KLHL4: variants seen among roughly 807,000 people sequenced by gnomAD.
KLHL4 encodes kelch like family member 4.
KLHL4 carries 17 observed loss-of-function variants against 45.8 expected under a neutral mutation model. The observed-to-expected ratio is 0.37, with a 90% CI of 0.25 to 0.56. The LOEUF (loss-of-function observed/expected upper bound fraction) is 0.56. KLHL4 is among the 20% of genes least tolerant of loss of function. The probability of loss-of-function intolerance (pLI) is 0.79; values close to 1 mark genes in which losing one functional copy is unlikely to be tolerated. For synonymous variants in KLHL4, 224 were observed against 189.9 expected (o/e 1.18, Z -1.47); for missense variants, 544 against 544.9 (o/e 1.00, Z 0.02).
chrX:87,583,376 G>A (rs896467727), intron 1 of KLHL4, among the ~76,000 whole-genome samples: 3 of 112,124 alleles, frequency 2.7e-5, no homozygotes, highest in Admixed American at 9.4e-5. Context: ...CCCAGGCCAC[G>A]TAGCACAGCT....
In KLHL4 at chrX:87,669,521, A is replaced by T; in HGVS notation, c.*2987A>T. On this transcript the variant is annotated 3_prime_UTR_variant, in exon 11 of 11. Transcript: ENST00000373119. The stretch of plus-strand genomic sequence containing the variant: ...TTCTGGAGTTCCAAATGCAATATAG[A>T]AAAAAAAACCCTGTGACTCTGGATT... 1.2e-6 allele frequency: 1 copy of T among 811,233 alleles called. No individual in the cohort carries two copies. Among genetic ancestry groups the T allele is most frequent in the South Asian group, 3.7e-5 (1 of 27,017 alleles). The allele number at this position is 811,233 out of a possible 1,213,427, so 66.9% of individuals were successfully genotyped here.
In KLHL4 at chrX:87,624,052, C is replaced by T. The variant is rs1281801842; in HGVS notation, c.1138-1558C>T. 7.1e-5 allele frequency among the ~76,000 whole-genome samples: 8 copies of T among 112,266 alleles called. No homozygotes were observed. The East Asian group carries it at 2.2e-3, about 32-fold the overall frequency. ...AACAATTTCTCCTTGTGATTTTAGGCATAAAAAACTTAAGATGCACTGGTG... is the reference window on the plus strand; with the variant it reads ...AACAATTTCTCCTTGTGATTTTAGGTATAAAAAACTTAAGATGCACTGGTG... On this transcript the variant is annotated intron_variant, in intron 5 of 10. Coordinates refer to ENST00000373119, the MANE Select transcript of KLHL4 (RefSeq NM_019117.5).
intron 10 of KLHL4, among the ~76,000 whole-genome samples, chrX:87,665,291 A>G (rs1391571470): frequency 1.8e-5 from 2 of 111,999 alleles, no homozygotes; most frequent in Non-Finnish European, 3.8e-5. Context: ...CCAACTTTTT[A>G]TGTATATGTT....
chrX:87,556,774 A>G (rs746582979), intron 1 of KLHL4, among the ~76,000 whole-genome samples: 9 of 69,213 alleles, frequency 1.3e-4, no homozygotes, highest in Non-Finnish European at 2.4e-4. Context: ...AAGTGCTACC[A>G]TGTGCCATAT....
chrX:87,646,818 C>T (rs1197542135), intron 9 of KLHL4, among the ~76,000 whole-genome samples: 3 of 111,462 alleles, frequency 2.7e-5, no homozygotes, highest in Non-Finnish European at 5.7e-5. Context: ...ATTGCAAAAA[C>T]CCTTCTAGAC....
intron 3 of KLHL4, among the ~76,000 whole-genome samples, chrX:87,614,894 C>T (rs772853428): frequency 1.2e-3 from 135 of 111,070 alleles, no homozygotes; most frequent in Non-Finnish European, 2.1e-3. Context: ...GGTGTGGGCA[C>T]ATTCTTGTTT....
chrX:87,556,134 T>C (rs896222794), intron 1 of KLHL4, among the ~76,000 whole-genome samples: 2 of 111,070 alleles, frequency 1.8e-5, no homozygotes, highest in Non-Finnish European at 3.8e-5. Context: ...GAGCTTTACT[T>C]CCAACTATAT....
chrX:87,541,707 A>G (rs1156655787), intron 1 of KLHL4, among the ~76,000 whole-genome samples: 1 of 110,764 alleles, frequency 9.0e-6, no homozygotes, highest in Non-Finnish European at 1.9e-5. Context: ...CAGTGTTAGA[A>G]TGGACCAATG....
At chrX:87,606,361 G>GA (rs1363719533) in intron 1 of KLHL4, among the ~76,000 whole-genome samples, 3 of 109,417 alleles carry the variant, frequency 2.7e-5, no homozygotes, top group Non-Finnish European at 5.7e-5. Context: ...ATTGGTAGAA[G>GA]AAAAAAACAA....
intron 8 of KLHL4, 64 bp from the exon 9 acceptor site, chrX:87,635,499 T>C (rs1273961509): frequency 1.3e-5 from 11 of 846,648 alleles, no homozygotes; most frequent in Non-Finnish European, 1.9e-5. Flanking sequence ...ATTCTATGCA[T>C]GCATTTTGTG....
At chrX:87,593,242 G>C (rs1263577812) in intron 1 of KLHL4, among the ~76,000 whole-genome samples, 1 of 110,686 alleles carries the variant, frequency 9.0e-6, no homozygotes, top group Non-Finnish European at 1.9e-5. Flanking sequence ...ATCTCTGAAA[G>C]TGTCTAGTGA....
At chrX:87,616,032 C>T (rs905904305) in intron 3 of KLHL4, among the ~76,000 whole-genome samples, 5 of 111,495 alleles carry the variant, frequency 4.5e-5, no homozygotes, top group Admixed American at 1.9e-4. Context: ...TCCTATGCCA[C>T]AACCCCATAA....
At chrX:87,617,210 T>TA (rs1922585482) in intron 3 of KLHL4, among the ~76,000 whole-genome samples, 1 of 90,792 alleles carries the variant, frequency 1.1e-5, no homozygotes, top group African/African-American at 4.2e-5. Context: ...AAAAAGAGAC[T>TA]GTTTTTTTTT....
At position 87,614,002 on chromosome X, in the gene KLHL4, A is replaced by T; in HGVS notation, c.548A>T (p.Asp183Val). 2.5e-6 allele frequency: 3 copies of T among 1,208,240 alleles called. No homozygotes were observed. Among genetic ancestry groups the T allele is most frequent in the Non-Finnish European group, 3.4e-6 (3 of 893,358 alleles). ...TACTTGAAAGAGAAACAACTATGTGATGTGCTACTGATTGCAGGACACCTC... is the reference window on the plus strand; with the variant it reads ...TACTTGAAAGAGAAACAACTATGTGTTGTGCTACTGATTGCAGGACACCTC... The part of the protein sequence containing the change: ...ENYLKEKQLC[D>V]VLLIAGHLRI... Residue 183 changes from aspartate (D) to valine (V), a missense_variant, in exon 2 of 11, where the codon GAT becomes GTT. By Grantham distance (152) the Asp-to-Val change is radical. Coordinates refer to ENST00000373119, the MANE Select transcript of KLHL4 (RefSeq NM_019117.5).
intron 1 of KLHL4, among the ~76,000 whole-genome samples, chrX:87,588,369 G>C (rs903368933): frequency 1.8e-4 from 20 of 111,562 alleles, no homozygotes; most frequent in Non-Finnish European, 1.1e-4. Flanking sequence ...CAAAACTGGA[G>C]GAATCACATT....
At chrX:87,586,703 A>G (rs2147797805) in intron 1 of KLHL4, among the ~76,000 whole-genome samples, 1 of 111,283 alleles carries the variant, frequency 9.0e-6, no homozygotes, top group Non-Finnish European at 1.9e-5. Flanking sequence ...CAATCTAACA[A>G]TGTGTCTTAA....
chrX:87,524,621 C>G (rs980767474), intron 1 of KLHL4, among the ~76,000 whole-genome samples: 4 of 111,083 alleles, frequency 3.6e-5, no homozygotes. Flanking sequence ...ATCTGAGAAA[C>G]TGTCACAATC....
chrX:87,555,595 T>G (rs1313377507), intron 1 of KLHL4, among the ~76,000 whole-genome samples: 120 of 107,898 alleles, frequency 1.1e-3, no homozygotes, highest in African/African-American at 3.8e-3. Flanking sequence ...TGCGTCTATT[T>G]GATTCTTCTC....
At chrX:87,564,603 A>C (rs193117339) in intron 1 of KLHL4, among the ~76,000 whole-genome samples, 3 of 111,846 alleles carry the variant, frequency 2.7e-5, no homozygotes, top group Admixed American at 1.9e-4. Context: ...AAAGATAGTA[A>C]ATATTGATAA....
Sources: allele counts gnomAD v4.1 joint callset (sites outside exome capture counted in the v4.1 genomes callset), GRCh38; gene constraint gnomAD v4.1.1; transcripts MANE v1.5; gene names NCBI Gene and HGNC (gene_info 2026-07-23, HGNC 2026-07-21).